The following DYNC1I1 variants were observed in gnomAD, a reference collection of about 807,000 sequenced individuals.
DYNC1I1 encodes cytoplasmic dynein 1 intermediate chain 1.
A neutral mutation model predicts 86.6 loss-of-function variants in DYNC1I1; 43 were observed. The ratio of observed to expected loss-of-function variants is 0.50; its 90% CI spans 0.39 to 0.64. The LOEUF is 0.64. DYNC1I1 is among the 30% of genes least tolerant of loss of function. DYNC1I1 has a pLI of 0.00. For missense variants in DYNC1I1, 604 were observed against 788.8 expected, an observed-to-expected ratio of 0.77 and a Z score of 2.81; for synonymous variants, 262 against 283.7, an observed-to-expected ratio of 0.92 and a Z score of 0.77.
intron 13 of DYNC1I1, among the ~76,000 whole-genome samples, chr7:96,038,722 G>A (rs1788946956): frequency 6.6e-6 from 1 of 152,066 alleles, no homozygotes. Flanking sequence ...TTTAAATTAT[G>A]TGCATTATTT....
At chr7:96,054,902 C>T (rs1789523893) in intron 14 of DYNC1I1, among the ~76,000 whole-genome samples, 2 of 152,210 alleles carry the variant, frequency 1.3e-5, no homozygotes, top group East Asian at 3.9e-4. Context: ...AACTTTTCTC[C>T]CATTCTGTAG....
intron 6 of DYNC1I1, among the ~76,000 whole-genome samples, chr7:95,952,483 A>G (rs183760889): frequency 7.2e-5 from 11 of 152,262 alleles, no homozygotes; most frequent in Admixed American, 7.2e-4. Flanking sequence ...TTGGATCCCC[A>G]GCGGCTCCCC....
At chr7:95,902,063 T>A (rs1167077219) in intron 6 of DYNC1I1, among the ~76,000 whole-genome samples, 1 of 152,224 alleles carries the variant, frequency 6.6e-6, no homozygotes, top group African/African-American at 2.4e-5. Context: ...AATCTTTGTT[T>A]CTTTAGCTGC....
chr7:95,796,278 C>T (rs1043076029), intron 1 of DYNC1I1, among the ~76,000 whole-genome samples: 1 of 152,064 alleles, frequency 6.6e-6, no homozygotes, highest in Admixed American at 6.6e-5. Context: ...ATCTTTCACA[C>T]ATTGTTCTAT....
chr7:96,086,659 A>G (rs895475265), intron 16 of DYNC1I1, among the ~76,000 whole-genome samples: 1 of 152,228 alleles, frequency 6.6e-6, no homozygotes, highest in African/African-American at 2.4e-5. Context: ...TTCAATAAGT[A>G]TAATACATTT....
chr7:95,804,970 A>G, intron 2 of DYNC1I1, 133 bp downstream of exon 2: 1 of 1,388,154 alleles, frequency 7.2e-7, no homozygotes, highest in Non-Finnish European at 9.4e-7. Flanking sequence ...TTATCTTCCT[A>G]TTCTGCATGG....
At chr7:95,961,194 T>C (rs1792858024) in intron 6 of DYNC1I1, among the ~76,000 whole-genome samples, 1 of 152,174 alleles carries the variant, frequency 6.6e-6, no homozygotes, top group Non-Finnish European at 1.5e-5. Flanking sequence ...TTGGTCTCTA[T>C]GACAATATTA....
At chr7:96,066,435 A>G (rs147938031) in intron 14 of DYNC1I1, among the ~76,000 whole-genome samples, 188 of 152,356 alleles carry the variant, frequency 1.2e-3, no homozygotes, top group African/African-American at 4.4e-3. Flanking sequence ...TTTCTTTGGT[A>G]TAAACAAGGC....
intron 1 of DYNC1I1, among the ~76,000 whole-genome samples, chr7:95,794,470 T>C (rs534766618): frequency 6.6e-6 from 1 of 152,350 alleles, no homozygotes; most frequent in African/African-American, 2.4e-5. Flanking sequence ...ATTGGTGGAA[T>C]GCACCATAGG....
chr7:96,061,735 C>CACAT (rs34628726), intron 14 of DYNC1I1, among the ~76,000 whole-genome samples: 5 of 148,598 alleles, frequency 3.4e-5, no homozygotes, highest in African/African-American at 1.3e-4. Context: ...CACACACACA[C>CACAT]GCACACAAAC....
chr7:95,892,467 C>A (rs542831737), intron 6 of DYNC1I1, among the ~76,000 whole-genome samples: 1 of 152,064 alleles, frequency 6.6e-6, no homozygotes, highest in African/African-American at 2.4e-5. Context: ...CCTGCCACCA[C>A]GCCCAGCTAA....
intron 16 of DYNC1I1, among the ~76,000 whole-genome samples, chr7:96,083,020 T>C (rs889917466): frequency 6.6e-6 from 1 of 152,154 alleles, no homozygotes; most frequent in African/African-American, 2.4e-5. Context: ...AGACAGGCTA[T>C]AGAAAAATCT....
chr7:96,096,751 A>T (rs531932847), intron 16 of DYNC1I1, among the ~76,000 whole-genome samples: 14 of 152,152 alleles, frequency 9.2e-5, no homozygotes, highest in Non-Finnish European at 1.6e-4. Flanking sequence ...CTGGCTAAGG[A>T]TGCTCATACT....
At chr7:95,987,230 G>T in intron 9 of DYNC1I1, 75 bp downstream of exon 9, 1 of 1,325,200 alleles carries the variant, frequency 7.5e-7, no homozygotes, top group Non-Finnish European at 1.1e-6. Flanking sequence ...TAAGAGATTT[G>T]TTTACTTGCC....
At chr7:95,818,502 C>T (rs922598482) in intron 4 of DYNC1I1, 7 of 611,988 alleles carry the variant, frequency 1.1e-5, no homozygotes, top group African/African-American at 4.1e-5. Flanking sequence ...TTTGTAGAGA[C>T]GAAGCATTGC....
chr7:96,002,357 A>G (rs1304573590), intron 10 of DYNC1I1, among the ~76,000 whole-genome samples: 1 of 152,188 alleles, frequency 6.6e-6, no homozygotes. Flanking sequence ...TTGTTTTCTA[A>G]CTAAATGATG....
chr7:95,835,304 A>C (rs1384265541), intron 5 of DYNC1I1, among the ~76,000 whole-genome samples: 8 of 121,088 alleles, frequency 6.6e-5, no homozygotes, highest in African/African-American at 2.4e-4. Flanking sequence ...CTTAATCCTG[A>C]GTTCTAGTTT....
chr7:96,044,536 T>C (rs1789150559), intron 14 of DYNC1I1, among the ~76,000 whole-genome samples: 1 of 151,670 alleles, frequency 6.6e-6, no homozygotes, highest in Admixed American at 6.6e-5. Flanking sequence ...GAGTAGAAAA[T>C]CTGTAAGTGT....
intron 6 of DYNC1I1, among the ~76,000 whole-genome samples, chr7:95,927,499 A>G (rs1045457617): frequency 1.3e-5 from 2 of 152,194 alleles, no homozygotes; most frequent in East Asian, 3.8e-4. Context: ...TGAATAGTGG[A>G]TTAGTTAAAA....
Sources: gnomAD v4.1 joint callset for allele counts (sites outside exome capture counted in the v4.1 genomes callset) on GRCh38, gnomAD v4.1.1 for gene constraint, MANE v1.5 for transcripts, NCBI Gene and HGNC (gene_info 2026-07-23, HGNC 2026-07-21) for gene names.